Variants in TCERG1L observed in about 807,000 individuals in gnomAD.
The protein encoded by TCERG1L is transcription elongation regulator 1-like protein.
In TCERG1L, 37 loss-of-function variants were observed where a neutral mutation model predicts 56.3. The ratio of observed to expected loss-of-function variants is 0.66; its 90% CI spans 0.51 to 0.87. The LOEUF is 0.87. TCERG1L is among the 40% of genes least tolerant of loss of function. TCERG1L has a pLI of 0.00. For missense variants in TCERG1L, 799 were observed against 774.2 expected, an observed-to-expected ratio of 1.03 and a Z score of -0.38; for synonymous variants, 324 against 326.3, an observed-to-expected ratio of 0.99 and a Z score of 0.08.
chr10:131,309,320 G>A (rs1846853104), intron 1 of TCERG1L, 21 bp from the exon 2 acceptor site: 1 of 1,592,838 alleles, frequency 6.3e-7, no homozygotes, highest in African/African-American at 1.4e-5. Flanking sequence ...AGCAAGAAAA[G>A]ACAGCTGCAT....
intron 4 of TCERG1L, among the ~76,000 whole-genome samples, chr10:131,238,804 G>A (rs1053412474): frequency 1.3e-5 from 2 of 152,184 alleles, no homozygotes; most frequent in South Asian, 2.1e-4. Flanking sequence ...AGGCTGGGCC[G>A]CAGCTTTGAC....
At chr10:131,222,650 G>C (rs1169464776) in intron 4 of TCERG1L, among the ~76,000 whole-genome samples, 1 of 152,208 alleles carries the variant, frequency 6.6e-6, no homozygotes, top group East Asian at 1.9e-4. Flanking sequence ...GAGATAGTGA[G>C]GGTATGGCCG....
intron 10 of TCERG1L, 105 bp downstream of exon 10, chr10:131,104,160 A>G (rs1159254149): frequency 1.3e-6 from 1 of 780,034 alleles, no homozygotes; most frequent in African/African-American, 1.7e-5. Context: ...CAAATTTACA[A>G]CATGGGTGTC....
At chr10:131,248,480 G>A (rs929084737) in intron 4 of TCERG1L, among the ~76,000 whole-genome samples, 4 of 152,066 alleles carry the variant, frequency 2.6e-5, no homozygotes, top group Admixed American at 1.3e-4. Context: ...TGGCTCGGAG[G>A]GCCACACTCC....
In TCERG1L at chr10:131,207,215, A is replaced by G. The variant is rs934466569; in HGVS notation, c.857-40330T>C. Among the ~76,000 whole-genome samples the G allele has an allele frequency of 1.4e-4, 14 of 100,300 alleles. No individual in the cohort carries two copies. The Admixed American group carries it at 2.2e-3, about 16-fold the overall frequency. The allele number at this position is 100,300 out of a possible 152,430, so 65.8% of individuals were successfully genotyped here. On this transcript the variant is annotated intron_variant, in intron 4 of 11. Transcript: ENST00000368642. ...CCTCCCCCACCCAATCTCCAGCTCC[A>G]GGCACAGCGTGATTCCATATCTCCA...
At chr10:131,288,293 C>T (rs572756162) in intron 3 of TCERG1L, among the ~76,000 whole-genome samples, 5 of 152,322 alleles carry the variant, frequency 3.3e-5, no homozygotes, top group African/African-American at 4.8e-5. Flanking sequence ...CAGTCGGAAC[C>T]GGGCACCCAA....
At chr10:131,307,695 T>G (rs1040293631) in intron 3 of TCERG1L, among the ~76,000 whole-genome samples, 6 of 152,208 alleles carry the variant, frequency 3.9e-5, no homozygotes, top group African/African-American at 1.4e-4. Flanking sequence ...ACAAATGTTC[T>G]TTCAGGTCAC....
At chr10:131,181,667 G>A (rs975076734) in intron 4 of TCERG1L, among the ~76,000 whole-genome samples, 1 of 152,232 alleles carries the variant, frequency 6.6e-6, no homozygotes, top group Non-Finnish European at 1.5e-5. Flanking sequence ...GAAAACCCTG[G>A]CCCGGAGGAG....
chr10:131,207,209 A>G (rs893501), intron 4 of TCERG1L, among the ~76,000 whole-genome samples: 29,610 of 107,598 alleles, frequency 0.28, 3,587 homozygotes, highest in African/African-American at 0.42. Flanking sequence ...CCCAATCTCC[A>G]GCTCCAGGCA....
At chr10:131,100,840 C>G (rs10829900) in intron 10 of TCERG1L, among the ~76,000 whole-genome samples, 11,339 of 152,278 alleles carry the variant, frequency 0.074, 463 homozygotes, top group Middle Eastern at 0.1. Flanking sequence ...TGGGGTCCAG[C>G]TATGATTTCT....
intron 7 of TCERG1L, among the ~76,000 whole-genome samples, chr10:131,136,655 C>T (rs553852728): frequency 3.3e-5 from 5 of 152,062 alleles, no homozygotes; most frequent in Non-Finnish European, 7.4e-5. Context: ...GCCACCACAC[C>T]AGGCTAATTT....
intron 4 of TCERG1L, among the ~76,000 whole-genome samples, chr10:131,256,548 A>G (rs1846165916): frequency 6.6e-6 from 1 of 152,196 alleles, no homozygotes; most frequent in Non-Finnish European, 1.5e-5. Context: ...CAATTCAGTC[A>G]TGGTGGGCCA....
intron 8 of TCERG1L, among the ~76,000 whole-genome samples, chr10:131,121,203 G>A (rs536428849): frequency 2.6e-5 from 4 of 152,308 alleles, no homozygotes; most frequent in African/African-American, 7.2e-5. Flanking sequence ...CTGCCAGGGT[G>A]CTGCCATGTG....
At chr10:131,216,225 G>A (rs556518005) in intron 4 of TCERG1L, among the ~76,000 whole-genome samples, 2 of 152,314 alleles carry the variant, frequency 1.3e-5, no homozygotes, top group African/African-American at 4.8e-5. Context: ...CTAGTACAAA[G>A]CCCAAAGAGA....
intron 3 of TCERG1L, among the ~76,000 whole-genome samples, chr10:131,264,962 G>A (rs1359559544): frequency 1.3e-5 from 2 of 152,154 alleles, no homozygotes; most frequent in Non-Finnish European, 2.9e-5. Context: ...GAAAGAGAAC[G>A]GGGAGTCGAC....
At chr10:131,304,543 T>C (rs1039842221) in intron 3 of TCERG1L, among the ~76,000 whole-genome samples, 3 of 151,980 alleles carry the variant, frequency 2.0e-5, no homozygotes, top group Non-Finnish European at 2.9e-5. Context: ...AGGTGGTGAC[T>C]GTGGGGCAGG....
At chr10:131,286,032 T>C (rs1846536723) in intron 3 of TCERG1L, among the ~76,000 whole-genome samples, 1 of 152,170 alleles carries the variant, frequency 6.6e-6, no homozygotes, top group Non-Finnish European at 1.5e-5. Context: ...AGATAATCAA[T>C]ATAAAAATAA....
rs541240753 is a variant in TCERG1L, at chr10:131,260,453, G to A, written c.671-9C>T. ...GCTGTTATGGCAGCCACCTGCGGAA[G>A]AGGGATGCAGAGGGTCAGCAAGGGG... is the stretch of plus-strand genomic sequence containing the variant. On this transcript the variant is annotated splice_polypyrimidine_tract_variant and intron_variant, in intron 3 of 11. Transcript: ENST00000368642. This position sits in a 1 kb window ranked among gnomAD's most constrained non-coding sequence, Gnocchi z 5.8. 10 of 1,369,012 alleles carry A rather than the reference G, an allele frequency of 7.3e-6. No individual in the cohort carries two copies. The South Asian group carries it at 1.2e-4, about 17-fold the overall frequency. The allele number at this position is 1,369,012 out of a possible 1,614,324, so 84.8% of individuals were successfully genotyped here. A position where few individuals can be genotyped will look rare whatever the true frequency, so the allele number is the denominator to read the frequency against.
intron 4 of TCERG1L, among the ~76,000 whole-genome samples, chr10:131,208,814 T>C (rs913505610): frequency 1.3e-5 from 2 of 152,110 alleles, no homozygotes; most frequent in African/African-American, 4.8e-5. Flanking sequence ...TCCCAGCACT[T>C]TGGGAGACCG....
Sources: gnomAD v4.1 joint callset for allele counts (sites outside exome capture counted in the v4.1 genomes callset) on GRCh38, gnomAD v4.1.1 for gene constraint, Gnocchi (gnomAD v3.1) non-coding constraint, MANE v1.5 for transcripts, NCBI Gene and HGNC (gene_info 2026-07-23, HGNC 2026-07-21) for gene names.